The following ROBO2 variants were observed in gnomAD, a reference collection of about 807,000 sequenced individuals.
The protein encoded by ROBO2 is roundabout homolog 2.
Under a neutral mutation model 160.8 loss-of-function variants are expected in ROBO2, and 53 were observed. The observed-to-expected ratio is 0.33, with a 90% CI of 0.26 to 0.41. The LOEUF is 0.41. Ranked by LOEUF, ROBO2 falls within the 10% of genes least tolerant of loss-of-function variation. The pLI, the probability that ROBO2 is intolerant of heterozygous loss-of-function variation, is 1.00. For missense variants in ROBO2, 1,577 were observed against 1,722.4 expected (o/e 0.92, Z 1.49); for synonymous variants, 664 against 611.7 (o/e 1.09, Z -1.26).
rs201116597 is a variant in ROBO2, at chr3:76,494,335, T to C, written c.109+556733T>C. On this transcript the variant is annotated intron_variant, in intron 2 of 26. Coordinates refer to the ROBO2 transcript ENST00000487694. The stretch of plus-strand genomic sequence containing the variant: ...ATTAAGAGGAGAAAGGCATACACAT[T>C]TACTTAATACACGTTTTACATGACA... Among the ~76,000 whole-genome samples the C allele has an allele frequency of 2.6e-5, 4 of 152,120 alleles. No homozygotes were observed. In the East Asian group the frequency reaches 7.7e-4, roughly 29 times the overall value.
intron 2 of ROBO2, among the ~76,000 whole-genome samples, chr3:77,175,903 T>C (rs1049579451): frequency 2.0e-5 from 3 of 151,982 alleles, no homozygotes; most frequent in South Asian, 2.1e-4. Context: ...ATTCTGTAAG[T>C]AGGGAGAAAA....
intron 2 of ROBO2, among the ~76,000 whole-genome samples, chr3:76,935,317 C>T (rs895838958): frequency 3.3e-5 from 5 of 152,136 alleles, no homozygotes; most frequent in South Asian, 4.1e-4. Context: ...CCTTTGCTCA[C>T]GCTCCCTTAA....
chr3:76,319,660 C>T (rs1654494003), intron 2 of ROBO2, among the ~76,000 whole-genome samples: 1 of 151,894 alleles, frequency 6.6e-6, no homozygotes, highest in East Asian at 1.9e-4. Context: ...TAAGCTCCAG[C>T]ATTGAACCTG....
chr3:77,270,093 C>A (rs1448330588), intron 2 of ROBO2, among the ~76,000 whole-genome samples: 1 of 152,106 alleles, frequency 6.6e-6, no homozygotes, highest in South Asian at 2.1e-4. Flanking sequence ...TATGCCTTAT[C>A]CCAGTTCTTC....
intron 2 of ROBO2, among the ~76,000 whole-genome samples, chr3:76,468,414 A>G (rs924459498): frequency 1.3e-5 from 2 of 152,038 alleles, no homozygotes; most frequent in Admixed American, 1.3e-4. Context: ...ACACTCTCCA[A>G]TATTGGAAAC....
rs183820385 is a variant in ROBO2 at position 76,043,718 on chromosome 3, T to C, written c.109+106116T>C. Among the ~76,000 whole-genome samples, 118 of 150,990 alleles carry C rather than the reference T, an allele frequency of 7.8e-4. 3 individuals are homozygous for C. Among genetic ancestry groups the C allele is most frequent in the South Asian group, 7.4e-3 (35 of 4,756 alleles). On this transcript the variant is annotated intron_variant, in intron 2 of 26. Coordinates refer to the ROBO2 transcript ENST00000487694. ...GCCACCTCTTTATGACCAACCATAG[T>C]TTTGGTTTAAGCCTTCCAGAAGCAC...
At chr3:75,973,403 C>T (rs2065048433) in intron 2 of ROBO2, among the ~76,000 whole-genome samples, 1 of 151,402 alleles carries the variant, frequency 6.6e-6, no homozygotes, top group South Asian at 2.1e-4. Context: ...TGGCCACTGA[C>T]ACAATAATAT....
intron 2 of ROBO2, among the ~76,000 whole-genome samples, chr3:76,019,646 CGT>C (rs1217765322): frequency 2.0e-5 from 3 of 149,134 alleles, no homozygotes; most frequent in Non-Finnish European, 3.0e-5. Flanking sequence ...AAGCTCCATG[CGT>C]ATCTGAGAAT....
chr3:77,492,666 A>G (rs1353780731), intron 4 of ROBO2, among the ~76,000 whole-genome samples: 1 of 152,188 alleles, frequency 6.6e-6, no homozygotes, highest in African/African-American at 2.4e-5. Flanking sequence ...GTATTTAAGA[A>G]AAAAAATCAG....
chr3:75,955,771 G>A (rs1387622587), intron 2 of ROBO2, among the ~76,000 whole-genome samples: 3 of 151,574 alleles, frequency 2.0e-5, no homozygotes, highest in Non-Finnish European at 3.0e-5. Context: ...GTTAGATGTC[G>A]TGGTGTGGGA....
intron 2 of ROBO2, among the ~76,000 whole-genome samples, chr3:76,457,677 A>G (rs2077846751): frequency 6.6e-6 from 1 of 152,174 alleles, no homozygotes; most frequent in African/African-American, 2.4e-5. Flanking sequence ...GAGGTTCTCC[A>G]TGAGGGCCCT....
intron 2 of ROBO2, among the ~76,000 whole-genome samples, chr3:77,236,155 T>C (rs2119747): frequency 0.014 from 2,171 of 152,312 alleles, 49 homozygotes; most frequent in African/African-American, 0.049. Context: ...AAGACGTACA[T>C]TGGCAGTTCT....
intron 2 of ROBO2, among the ~76,000 whole-genome samples, chr3:76,866,494 C>T (rs914124091): frequency 1.3e-5 from 2 of 151,862 alleles, no homozygotes; most frequent in African/African-American, 4.8e-5. Context: ...TAATTGCATA[C>T]CAAATAGTTG....
At chr3:77,602,279 G>C (rs1292368942) in exon 20 of ROBO2, 2 of 1,614,162 alleles carry the variant, frequency 1.2e-6, no homozygotes, top group Non-Finnish European at 1.7e-6. Flanking sequence ...GCCATTTATA[G>C]TAGCATTGAC....
intron 2 of ROBO2, among the ~76,000 whole-genome samples, chr3:76,842,408 A>T (rs950335960): frequency 8.5e-5 from 13 of 152,228 alleles, no homozygotes; most frequent in Non-Finnish European, 1.8e-4. Flanking sequence ...GATGACAAAG[A>T]CACTGGGAAC....
intron 2 of ROBO2, among the ~76,000 whole-genome samples, chr3:77,362,367 G>A (rs775492331): frequency 6.6e-6 from 1 of 152,066 alleles, no homozygotes; most frequent in African/African-American, 2.4e-5. Context: ...GAAGCATCTG[G>A]AGTAAGAAAG....
At chr3:77,183,725 A>T (rs1301099859) in intron 2 of ROBO2, among the ~76,000 whole-genome samples, 1 of 152,036 alleles carries the variant, frequency 6.6e-6, no homozygotes, top group East Asian at 1.9e-4. Context: ...TGTGTATTTC[A>T]TCAGTTCATT....
intron 2 of ROBO2, among the ~76,000 whole-genome samples, chr3:76,406,211 A>G (rs2078116776): frequency 6.6e-6 from 1 of 151,690 alleles, no homozygotes; most frequent in South Asian, 2.1e-4. Flanking sequence ...TATGAATTTT[A>G]CTCTCAGTAA....
intron 2 of ROBO2, among the ~76,000 whole-genome samples, chr3:76,965,983 C>G (rs539032134): frequency 5.0e-5 from 7 of 139,154 alleles, no homozygotes; most frequent in African/African-American, 1.9e-4. Context: ...AGTGCAATGG[C>G]GCGATCTTGG....
Sources: allele counts gnomAD v4.1 joint callset (sites outside exome capture counted in the v4.1 genomes callset), GRCh38; gene constraint gnomAD v4.1.1; transcripts MANE v1.5; gene names NCBI Gene and HGNC (gene_info 2026-07-23, HGNC 2026-07-21).